PPARGC1B: variants seen among roughly 807,000 people sequenced by gnomAD.
The protein encoded by PPARGC1B is PPARG coactivator 1 beta, also known as peroxisome proliferator-activated receptor gamma coactivator 1-beta.
Under a neutral mutation model 101.6 loss-of-function variants are expected in PPARGC1B, and 34 were observed. That is an observed-to-expected ratio of 0.33 (90% CI 0.25 to 0.45). The LOEUF (loss-of-function observed/expected upper bound fraction) is 0.45, where lower values mean the gene tolerates loss of function less well. PPARGC1B is among the 20% of genes least tolerant of loss of function. The probability of loss-of-function intolerance (pLI) is 1.00; values close to 1 mark genes in which losing one functional copy is unlikely to be tolerated. For synonymous variants in PPARGC1B, 548 were observed against 539.3 expected (o/e 1.02, Z -0.22); for missense variants, 1,234 against 1,317.6 (o/e 0.94, Z 0.98).
At chr5:149,746,775 T>C (rs556875003) in intron 1 of PPARGC1B, among the ~76,000 whole-genome samples, 1 of 152,340 alleles carries the variant, frequency 6.6e-6, no homozygotes, top group East Asian at 1.9e-4. Flanking sequence ...GTTTTCTGTT[T>C]GTTTCTTTAA....
At chr5:149,846,204 G>A (rs1759548877) in intron 11 of PPARGC1B, 7 of 569,386 alleles carry the variant, frequency 1.2e-5, no homozygotes, top group Middle Eastern at 4.5e-4. Flanking sequence ...TGGCAGAACC[G>A]TGGCTACGGT....
At chr5:149,829,958 C>T (rs951963694) in intron 3 of PPARGC1B, among the ~76,000 whole-genome samples, 1 of 144,792 alleles carries the variant, frequency 6.9e-6, no homozygotes, top group Non-Finnish European at 1.5e-5. Flanking sequence ...TCGCTTGAAC[C>T]CGTGAGGTGG....
chr5:149,800,225 A>G lies in PPARGC1B; in HGVS notation c.79-20208A>G, dbSNP rs568469017. On this transcript the variant is annotated intron_variant, in intron 1 of 11. Transcript: ENST00000309241. ...TATCTATGCATCATAAAAAAAGTGT[A>G]AACAGGATCATGTAACGTTAACATC... 2.4e-3 allele frequency among the ~76,000 whole-genome samples: 359 copies of G among 152,306 alleles called. 1 individual carries two copies. Among genetic ancestry groups the G allele is most frequent in the African/African-American group, 8.0e-3 (334 of 41,568 alleles).
intron 3 of PPARGC1B, among the ~76,000 whole-genome samples, chr5:149,828,763 G>A (rs1371820641): frequency 1.3e-5 from 2 of 152,214 alleles, no homozygotes; most frequent in South Asian, 2.1e-4. Flanking sequence ...AGGGCCCTGA[G>A]GGACCGGGCA....
intron 1 of PPARGC1B, among the ~76,000 whole-genome samples, chr5:149,796,136 A>C (rs1757205814): frequency 6.6e-6 from 1 of 152,280 alleles, no homozygotes; most frequent in East Asian, 1.9e-4. Flanking sequence ...GTAGATCATG[A>C]AGAAAATAAG....
chr5:149,833,890 T>TA lies in PPARGC1B; in HGVS notation c.1705+113dup. 6 of 1,404,650 alleles carry TA rather than the reference T, an allele frequency of 4.3e-6. No homozygotes were observed. The highest frequency in any genetic ancestry group is 5.5e-6 in the Non-Finnish European group (6 of 1,082,486). 87.0% of individuals were successfully genotyped at this position (1,404,650 alleles called of 1,614,324 possible). A position where few individuals can be genotyped will look rare whatever the true frequency, so the allele number is the denominator to read the frequency against. Reference sequence around the variant, plus strand: ...AAGTCCCCGTCCCCCAACAAAGTGTTATATGGGTTTGGACAAGTCCCTTCC... The same window carrying TA: ...AAGTCCCCGTCCCCCAACAAAGTGTTAATATGGGTTTGGACAAGTCCCTTCC... On this transcript the variant is annotated intron_variant, in intron 5 of 11. Coordinates refer to ENST00000309241, the MANE Select transcript of PPARGC1B (RefSeq NM_133263.4). This position sits in a 1 kb window ranked among gnomAD's most constrained non-coding sequence, Gnocchi z 4.1.
chr5:149,829,887 T>C (rs1432069033), intron 3 of PPARGC1B, among the ~76,000 whole-genome samples: 1 of 151,554 alleles, frequency 6.6e-6, no homozygotes. Context: ...ATACAAAAAT[T>C]AGCTGGGTGT....
intron 1 of PPARGC1B, among the ~76,000 whole-genome samples, chr5:149,816,694 G>A (rs1323000787): frequency 6.6e-6 from 1 of 152,220 alleles, no homozygotes; most frequent in Admixed American, 6.5e-5. Context: ...GCTGCTCTGA[G>A]TTACTGGAGA....
intron 1 of PPARGC1B, among the ~76,000 whole-genome samples, chr5:149,798,519 C>A (rs1187188216): frequency 6.6e-6 from 1 of 152,210 alleles, no homozygotes; most frequent in Non-Finnish European, 1.5e-5. Flanking sequence ...GATAGAGAAG[C>A]ATGGCCTCAG....
intron 11 of PPARGC1B, 30 bp downstream of exon 11, chr5:149,845,944 G>C: frequency 3.1e-6 from 5 of 1,614,088 alleles, no homozygotes; most frequent in Non-Finnish European, 3.4e-6. Context: ...CCACAGTCTA[G>C]TAAGACTCAA....
chr5:149,818,571 G>T (rs1454867405), intron 1 of PPARGC1B, among the ~76,000 whole-genome samples: 1 of 152,208 alleles, frequency 6.6e-6, no homozygotes, highest in Non-Finnish European at 1.5e-5. Context: ...CCTTTTTCCT[G>T]TGTCAAGTTG....
rs929774734 is a variant in PPARGC1B, at chr5:149,832,420, G to A, written c.583-236G>A. 3.3e-5 allele frequency among the ~76,000 whole-genome samples: 5 copies of A among 152,114 alleles called. No homozygotes were observed. The highest frequency in any genetic ancestry group is 4.8e-5 in the African/African-American group (2 of 41,410). The stretch of plus-strand genomic sequence containing the variant: ...CAGTGAATCTGGAAGGGTCTGCAGG[G>A]GCGAAATTCCATGGCTGGGAGAGCT... On this transcript the variant is annotated intron_variant, in intron 4 of 11. Transcript: ENST00000309241. The surrounding 1 kb of genome is among the most constrained non-coding windows in gnomAD (Gnocchi z 4.9).
chr5:149,818,755 A>G, intron 1 of PPARGC1B: 1 of 449,780 alleles, frequency 2.2e-6, no homozygotes, highest in South Asian at 1.6e-5. Flanking sequence ...TATCATTATT[A>G]TTATCATTAT....
At position 149,831,023 on chromosome 5, in the gene PPARGC1B, G is replaced by A. The variant is rs550329399; in HGVS notation, c.582+140G>A. Reference sequence around the variant, plus strand: ...CACAGCCCTTGTAGCTGGTGTCCTGGGCACTGCTTCTGGAGATCCAGCCTA... The same window carrying A: ...CACAGCCCTTGTAGCTGGTGTCCTGAGCACTGCTTCTGGAGATCCAGCCTA... On this transcript the variant is annotated intron_variant, in intron 4 of 11. Coordinates refer to ENST00000309241, the MANE Select transcript of PPARGC1B (RefSeq NM_133263.4). 1.2e-5 allele frequency: 8 copies of A among 684,692 alleles called. No individual in the cohort carries two copies. The South Asian group carries it at 1.4e-4, about 12-fold the overall frequency. 42.4% of individuals were successfully genotyped at this position (684,692 alleles called of 1,614,324 possible).
chr5:149,856,056 G>A (rs1433586796), downstream of PPARGC1B, among the ~76,000 whole-genome samples: 4 of 152,156 alleles, frequency 2.6e-5, no homozygotes, highest in African/African-American at 9.7e-5. Flanking sequence ...GGCGGAGGTT[G>A]CAGTGAGCCA....
chr5:149,838,884 T>C (rs1019901378), intron 8 of PPARGC1B, among the ~76,000 whole-genome samples: 2 of 152,216 alleles, frequency 1.3e-5, no homozygotes, highest in Non-Finnish European at 2.9e-5. Flanking sequence ...AGAAAGCACG[T>C]TAAGCTGGGT....
chr5:149,730,423 A>G lies in PPARGC1B; in HGVS notation c.78+3A>G. Reference sequence around the variant, plus strand: ...TCAACTATCTCGCTGACACGCAGGTACGGCCGGCTGGGGCTGCGGGCCCGG... The same window carrying G: ...TCAACTATCTCGCTGACACGCAGGTGCGGCCGGCTGGGGCTGCGGGCCCGG... On this transcript the variant is annotated splice_donor_region_variant and intron_variant, in intron 1 of 11. Transcript: ENST00000309241. This position sits in a 1 kb window ranked among gnomAD's most constrained non-coding sequence, Gnocchi z 4.0. 1 of 1,549,972 alleles carries G rather than the reference A, an allele frequency of 6.5e-7. No homozygotes were observed. Among genetic ancestry groups the G allele is most frequent in the South Asian group, 1.2e-5 (1 of 82,840 alleles).
chr5:149,786,249 C>T (rs1373922305), intron 1 of PPARGC1B, among the ~76,000 whole-genome samples: 1 of 152,096 alleles, frequency 6.6e-6, no homozygotes, highest in Non-Finnish European at 1.5e-5. Flanking sequence ...TGCATCATCA[C>T]CCCCAGCTAA....
intron 1 of PPARGC1B, chr5:149,817,471 G>A (rs771267914): frequency 4.7e-4 from 157 of 337,186 alleles, no homozygotes; most frequent in Middle Eastern, 1.0e-3. Context: ...AACAGAGCAG[G>A]ATCCTGTCTC....
Sources: gnomAD v4.1 joint callset for allele counts (sites outside exome capture counted in the v4.1 genomes callset) on GRCh38, gnomAD v4.1.1 for gene constraint, Gnocchi (gnomAD v3.1) non-coding constraint, MANE v1.5 for transcripts, NCBI Gene and HGNC (gene_info 2026-07-23, HGNC 2026-07-21) for gene names.